ZNF787: variants seen among roughly 807,000 people sequenced by gnomAD.
ZNF787 encodes zinc finger protein 787, also known as TTF-I-interacting peptide 20.
In ZNF787, 7 loss-of-function variants were observed where a neutral mutation model predicts 16.9. That is an observed-to-expected ratio of 0.42 (90% confidence interval 0.24 to 0.78). ZNF787 has a LOEUF of 0.78. Among genes scored for constraint, ZNF787 ranks in the 30% least tolerant of loss-of-function variants. The probability of loss-of-function intolerance (pLI) is 0.30; values close to 1 mark genes in which losing one functional copy is unlikely to be tolerated. For synonymous variants in ZNF787, 345 were observed against 270.9 expected, an observed-to-expected ratio of 1.27 and a Z score of -2.69; for missense variants, 551 against 589.3, an observed-to-expected ratio of 0.94 and a Z score of 0.67.
chr19:56,113,275 T>C (rs546393571), intron 1 of ZNF787, among the ~76,000 whole-genome samples: 10 of 152,096 alleles, frequency 6.6e-5, no homozygotes, highest in African/African-American at 9.7e-5. Flanking sequence ...GAGACCCCCA[T>C]TGCTGGTGCG....
At chr19:56,089,213 C>T (rs1052905426) in intron 2 of ZNF787, 121 bp from the exon 3 acceptor site, 9 of 606,758 alleles carry the variant, frequency 1.5e-5, no homozygotes, top group Non-Finnish European at 2.4e-5. Context: ...CCCTGGTGTC[C>T]TCAGAGTGTG....
In ZNF787 at chr19:56,087,996, G is replaced by GGCCC; in HGVS notation, c.*26_*27insGGGC. ...GCTCCCGCCAAGCCCGAGGGGCCCTGCCCGCCCCCCCCCCCGGGCCCCTCC... is the reference window on the plus strand; with the variant it reads ...GCTCCCGCCAAGCCCGAGGGGCCCTGGCCCCCCGCCCCCCCCCCCGGGCCCCTCC... On this transcript the variant is annotated 3_prime_UTR_variant, in exon 3 of 3. Transcript: ENST00000610935. 24 of 1,157,744 alleles carry GGCCC rather than the reference G, an allele frequency of 2.1e-5. No individual in the cohort carries two copies. Among genetic ancestry groups the GGCCC allele is most frequent in the African/African-American group, 4.7e-5 (2 of 42,766 alleles). The allele number at this position is 1,157,744 out of a possible 1,614,324, so 71.7% of individuals were successfully genotyped here.
chr19:56,092,657 G>A (rs1193884941), intron 2 of ZNF787, among the ~76,000 whole-genome samples: 2 of 151,960 alleles, frequency 1.3e-5, no homozygotes, highest in African/African-American at 2.4e-5. Context: ...GGAGAATCCT[G>A]GTTCTCAAGG....
In ZNF787 at chr19:56,088,389, G is replaced by C. The variant is rs1420983621; in HGVS notation, c.783C>G (p.Gly261=). The change falls in exon 3 of 3, where the codon GGC becomes GGG. Residue 261 remains glycine, a synonymous_variant. Coordinates refer to ENST00000610935, the MANE Select transcript of ZNF787 (RefSeq NM_001002836.4). The surrounding 1 kb of genome is among the most constrained non-coding windows in gnomAD (Gnocchi z 8.6). ...EGAAAAAAMA[G]AGAKAAGPRS... is the part of the protein sequence containing the mutation. ...GGGGCCCCGCGGCCTTTGCCCCCGC[G>C]CCCGCCATGGCTGCCGCGGCCGCGG... The C allele has an allele frequency of 9.1e-7, 1 of 1,100,714 alleles. No homozygotes were observed. The highest frequency in any genetic ancestry group is 1.1e-6 in the Non-Finnish European group (1 of 905,138). The allele number at this position is 1,100,714 out of a possible 1,614,324, so 68.2% of individuals were successfully genotyped here.
At chr19:56,089,725 T>A (rs1985500072) in intron 2 of ZNF787, among the ~76,000 whole-genome samples, 1 of 152,186 alleles carries the variant, frequency 6.6e-6, no homozygotes, top group Non-Finnish European at 1.5e-5. Context: ...TTACAGAGGC[T>A]ATGGTCAGCC....
chr19:56,087,732 GCC>G lies in ZNF787; in HGVS notation c.*289_*290del. On this transcript the variant is annotated 3_prime_UTR_variant, in exon 3 of 3. Coordinates refer to ENST00000610935, the MANE Select transcript of ZNF787 (RefSeq NM_001002836.4). ...ATGGCCTTCCGCTTGGGGCCTGGTC[GCC>G]ACTCGGCCTCTGCAGTTCTCTCCAT... 1 of 287,486 alleles carries G rather than the reference GCC, an allele frequency of 3.5e-6. No homozygotes were observed. The allele number at this position is 287,486 out of a possible 1,614,324, so 17.8% of individuals were successfully genotyped here. A position where few individuals can be genotyped will look rare whatever the true frequency, so the allele number is the denominator to read the frequency against.
At chr19:56,113,753 A>C (rs976525189) in intron 1 of ZNF787, among the ~76,000 whole-genome samples, 1 of 152,202 alleles carries the variant, frequency 6.6e-6, no homozygotes, top group Admixed American at 6.5e-5. Context: ...TTTTGGGATG[A>C]AGAACAGGTT....
Position 56,087,999 on chromosome 19 carries a change from CGCCCCCCCCCCCGG to C in ZNF787, c.*10_*23del, listed in dbSNP as rs1255925448. The C allele has an allele frequency of 5.3e-5, 45 of 853,088 alleles. No homozygotes were observed. Among genetic ancestry groups the C allele is most frequent in the East Asian group, 3.5e-4 (5 of 14,356 alleles). 52.8% of individuals were successfully genotyped at this position (853,088 alleles called of 1,614,324 possible). ...CCCGCCAAGCCCGAGGGGCCCTGCC[CGCCCCCCCCCCCGG>C]GCCCCTCCCCTACCGGCCCTCCCCA... On this transcript the variant is annotated 3_prime_UTR_variant, in exon 3 of 3. Transcript: ENST00000610935.
chr19:56,097,050 A>C (rs1985900527), intron 2 of ZNF787, among the ~76,000 whole-genome samples: 4 of 152,092 alleles, frequency 2.6e-5, no homozygotes, highest in Admixed American at 2.6e-4. Flanking sequence ...CACCCTCCTG[A>C]GATCTTCAGG....
Position 56,088,554 on chromosome 19 carries a change from A to C in ZNF787, c.618T>G (p.Pro206=), listed in dbSNP as rs975049150. The C allele has an allele frequency of 6.8e-7, 1 of 1,474,506 alleles. No individual in the cohort carries two copies. Among genetic ancestry groups the C allele is most frequent in the East Asian group, 2.9e-5 (1 of 35,086 alleles). 91.3% of individuals were successfully genotyped at this position (1,474,506 alleles called of 1,614,324 possible). ...CCGCCAGCACCTTGGCCGCCACGCC[A>C]GGCCCCGACAGCTCCGGGTGCAGCC... The part of the protein sequence containing the change: ...HLRLHPELSG[P]GVAAKVLAAS... The change falls in exon 3 of 3, where the codon CCT becomes CCG. Residue 206 remains proline (P), a synonymous_variant. Coordinates refer to ENST00000610935, the MANE Select transcript of ZNF787 (RefSeq NM_001002836.4). The surrounding 1 kb of genome is among the most constrained non-coding windows in gnomAD (Gnocchi z 8.6).
At position 56,088,107 on chromosome 19, in the gene ZNF787, G is replaced by A. The variant is rs762229944; in HGVS notation, c.1065C>T (p.Tyr355=). 7.8e-6 allele frequency: 12 copies of A among 1,537,774 alleles called. No individual in the cohort carries two copies. The highest frequency in any genetic ancestry group is 2.7e-5 in the East Asian group (1 of 36,820). ...SVCSSCGQSY[Y]RAGGEEEDDD... ...CGTCCTCCTCCTCCCCGCCCGCGCG[G>A]TAGTAGCTCTGTCCGCAGCTGCTGC... Residue 355 remains tyrosine (Y), a synonymous_variant, in exon 3 of 3, where the codon TAC becomes TAT. Transcript: ENST00000610935. This position sits in a 1 kb window ranked among gnomAD's most constrained non-coding sequence, Gnocchi z 8.6.
intron 1 of ZNF787, among the ~76,000 whole-genome samples, chr19:56,104,657 C>G (rs958557850): frequency 3.9e-5 from 6 of 152,198 alleles, no homozygotes; most frequent in African/African-American, 1.4e-4. Flanking sequence ...ACACACACCA[C>G]CAACCCGTGA....
At chr19:56,112,187 C>A (rs964757105) in intron 1 of ZNF787, among the ~76,000 whole-genome samples, 1 of 152,128 alleles carries the variant, frequency 6.6e-6, no homozygotes, top group Non-Finnish European at 1.5e-5. Context: ...AGGGTCCAGG[C>A]CAGCTCCCTA....
chr19:56,087,928 C>A lies in ZNF787; in HGVS notation c.*95G>T. ...CGGGGATGCCGCGGGGTCCATCGCA[C>A]CCCGTCCGCTTCTCCCTGGGTCTCT... is the stretch of plus-strand genomic sequence containing the variant. On this transcript the variant is annotated 3_prime_UTR_variant, in exon 3 of 3. Transcript: ENST00000610935. The A allele has an allele frequency of 7.8e-7, 1 of 1,287,100 alleles. No individual in the cohort carries two copies. Among genetic ancestry groups the A allele is most frequent in the Non-Finnish European group, 9.8e-7 (1 of 1,017,874 alleles). The allele number at this position is 1,287,100 out of a possible 1,614,324, so 79.7% of individuals were successfully genotyped here.
At position 56,087,748 on chromosome 19, in the gene ZNF787, A is replaced by C. The variant is rs896298651; in HGVS notation, c.*275T>G. 17 of 335,148 alleles carry C rather than the reference A, an allele frequency of 5.1e-5. No homozygotes were observed. The highest frequency in any genetic ancestry group is 6.9e-5 in the East Asian group (1 of 14,398). The allele number at this position is 335,148 out of a possible 1,614,324, so 20.8% of individuals were successfully genotyped here. On this transcript the variant is annotated 3_prime_UTR_variant, in exon 3 of 3. Transcript: ENST00000610935. ...GGCCTGGTCGCCACTCGGCCTCTGC[A>C]GTTCTCTCCATTGTCTCTCCGGCTC...
intron 2 of ZNF787, among the ~76,000 whole-genome samples, chr19:56,094,894 T>C (rs1985811484): frequency 6.6e-6 from 1 of 152,124 alleles, no homozygotes; most frequent in Admixed American, 6.5e-5. Context: ...GCGGATGACC[T>C]GAGGTCAGGA....
Position 56,088,138 on chromosome 19 carries a change from G to A in ZNF787, c.1034C>T (p.Ser345Leu), listed in dbSNP as rs780933938. 2 of 1,552,724 alleles carry A rather than the reference G, an allele frequency of 1.3e-6. No individual in the cohort carries two copies. Among genetic ancestry groups the A allele is most frequent in the East Asian group, 2.6e-5 (1 of 38,482 alleles). The change falls in exon 3 of 3, where the codon TCG becomes TTG. Residue 345 changes from serine to leucine, a missense_variant. Transcript: ENST00000610935. This position sits in a 1 kb window ranked among gnomAD's most constrained non-coding sequence, Gnocchi z 8.6. Reference sequence around the variant, plus strand: ...GCTCTGTCCGCAGCTGCTGCAGACCGAGGGCGCGCCCACCGCGTGGATCTT... The same window carrying A: ...GCTCTGTCCGCAGCTGCTGCAGACCAAGGGCGCGCCCACCGCGTGGATCTT... ...HKKIHAVGAP[S>L]VCSSCGQSYY...
intron 2 of ZNF787, among the ~76,000 whole-genome samples, chr19:56,098,605 ATG>A: frequency 7.1e-6 from 1 of 141,366 alleles, no homozygotes. Context: ...CCGCAGGGTG[ATG>A]CCGCCCGGGT....
At chr19:56,120,771 G>A (rs1420381026) in intron 1 of ZNF787, among the ~76,000 whole-genome samples, 1 of 141,004 alleles carries the variant, frequency 7.1e-6, no homozygotes, top group Non-Finnish European at 1.5e-5. Context: ...GGCCACGACC[G>A]GCGGAGTTGG....
Sources: gnomAD v4.1 joint callset for allele counts (sites outside exome capture counted in the v4.1 genomes callset) on GRCh38, gnomAD v4.1.1 for gene constraint, Gnocchi (gnomAD v3.1) non-coding constraint, MANE v1.5 for transcripts, NCBI Gene and HGNC (gene_info 2026-07-23, HGNC 2026-07-21) for gene names.